The following CCDC85A variants were observed in gnomAD, a reference collection of about 807,000 sequenced individuals.
The protein encoded by CCDC85A is coiled-coil domain containing 85A.
CCDC85A carries 38 observed loss-of-function variants against 50.2 expected under a neutral mutation model. That is an observed-to-expected ratio of 0.76 (90% CI 0.58 to 0.99). CCDC85A has a LOEUF of 0.99. Among genes scored for constraint, CCDC85A ranks in the 50% least tolerant of loss-of-function variants. The pLI, the probability that CCDC85A is intolerant of heterozygous loss-of-function variation, is 0.00. For missense variants in CCDC85A, 820 were observed against 742.0 expected, an observed-to-expected ratio of 1.11 and a Z score of -1.22; for synonymous variants, 366 against 301.4, an observed-to-expected ratio of 1.21 and a Z score of -2.22.
chr2:56,313,501 T>C (rs1010058879), intron 2 of CCDC85A, among the ~76,000 whole-genome samples: 4 of 152,268 alleles, frequency 2.6e-5, no homozygotes, highest in South Asian at 2.1e-4. Flanking sequence ...CCAGTCAAGC[T>C]TGGGGCTTCC....
chr2:56,364,830 G>T (rs922285579), intron 3 of CCDC85A, among the ~76,000 whole-genome samples: 1 of 151,862 alleles, frequency 6.6e-6, no homozygotes, highest in Admixed American at 6.6e-5. Context: ...CTATTTTCCA[G>T]TGTAGGCAAT....
At chr2:56,226,986 A>G (rs1250217272) in intron 2 of CCDC85A, among the ~76,000 whole-genome samples, 1 of 152,180 alleles carries the variant, frequency 6.6e-6, no homozygotes, top group Non-Finnish European at 1.5e-5. Context: ...TTATTCTGAG[A>G]AAGGGGTAAA....
intron 2 of CCDC85A, among the ~76,000 whole-genome samples, chr2:56,246,254 A>G (rs1253748683): frequency 6.6e-6 from 1 of 152,208 alleles, no homozygotes; most frequent in East Asian, 1.9e-4. Context: ...TTTGAGTTAT[A>G]GAAGTTCTTA....
intron 2 of CCDC85A, among the ~76,000 whole-genome samples, chr2:56,320,565 A>T (rs1449900886): frequency 6.6e-6 from 1 of 152,182 alleles, no homozygotes; most frequent in East Asian, 1.9e-4. Flanking sequence ...TCCTGGAAAC[A>T]TACACCCTCC....
chr2:56,349,225 A>G (rs1404791536), intron 3 of CCDC85A, among the ~76,000 whole-genome samples: 4 of 152,180 alleles, frequency 2.6e-5, no homozygotes, highest in Admixed American at 6.6e-5. Flanking sequence ...ATACTTGGGA[A>G]AAAATGGACT....
chr2:56,365,745 C>T (rs577061875), intron 3 of CCDC85A, among the ~76,000 whole-genome samples: 38 of 152,262 alleles, frequency 2.5e-4, no homozygotes, highest in Middle Eastern at 6.8e-3. Flanking sequence ...CATCAGTTCG[C>T]ATAGTTATCA....
At chr2:56,246,600 T>A (rs904949017) in intron 2 of CCDC85A, among the ~76,000 whole-genome samples, 3 of 152,220 alleles carry the variant, frequency 2.0e-5, no homozygotes, top group Middle Eastern at 3.2e-3. Context: ...ATCCAGTTGT[T>A]CTGGCACCAT....
chr2:56,228,003 G>A (rs1427804777), intron 2 of CCDC85A, among the ~76,000 whole-genome samples: 1 of 152,202 alleles, frequency 6.6e-6, no homozygotes, highest in Non-Finnish European at 1.5e-5. Flanking sequence ...CACAATCGCA[G>A]AAATGACTGA....
intron 2 of CCDC85A, among the ~76,000 whole-genome samples, chr2:56,291,640 C>T (rs2104147240): frequency 6.6e-6 from 1 of 152,182 alleles, no homozygotes; most frequent in East Asian, 1.9e-4. Context: ...GGTGGGCTAT[C>T]AGAGCCTGAT....
chr2:56,245,858 C>A (rs963002788), intron 2 of CCDC85A, among the ~76,000 whole-genome samples: 1 of 152,170 alleles, frequency 6.6e-6, no homozygotes, highest in African/African-American at 2.4e-5. Flanking sequence ...AGGCCTTCAC[C>A]AGACCAAATG....
At chr2:56,362,537 A>G (rs138628481) in intron 3 of CCDC85A, among the ~76,000 whole-genome samples, 1 of 152,076 alleles carries the variant, frequency 6.6e-6, no homozygotes, top group East Asian at 1.9e-4. Flanking sequence ...AGATTTAAAG[A>G]TGGAGAAGGA....
intron 2 of CCDC85A, among the ~76,000 whole-genome samples, chr2:56,319,800 C>A (rs902848119): frequency 6.6e-6 from 1 of 152,054 alleles, no homozygotes; most frequent in Non-Finnish European, 1.5e-5. Context: ...TCATTGGGCA[C>A]CACACACAAA....
chr2:56,240,379 G>T (rs1239966365), intron 2 of CCDC85A, among the ~76,000 whole-genome samples: 1 of 152,138 alleles, frequency 6.6e-6, no homozygotes, highest in Non-Finnish European at 1.5e-5. Context: ...AGAAAATTCT[G>T]TAACCAGCAC....
At chr2:56,313,179 A>C (rs1672772563) in intron 2 of CCDC85A, among the ~76,000 whole-genome samples, 1 of 152,058 alleles carries the variant, frequency 6.6e-6, no homozygotes, top group East Asian at 1.9e-4. Flanking sequence ...GCGACTAGTC[A>C]TGTTCTTTTT....
Position 56,184,708 on chromosome 2 carries a change from C to A in CCDC85A, c.84C>A (p.Ala28=), listed in dbSNP as rs1675921303. The A allele has an allele frequency of 1.3e-6, 2 of 1,528,680 alleles. No homozygotes were observed. Among genetic ancestry groups the A allele is most frequent in the Non-Finnish European group, 1.8e-6 (2 of 1,141,384 alleles). 94.7% of individuals were successfully genotyped at this position (1,528,680 alleles called of 1,614,324 possible). A position where few individuals can be genotyped will look rare whatever the true frequency, so the allele number is the denominator to read the frequency against. ...CSPAPAGSSA[A]PPAPVEDLSK... ...CAGCCCCGGCCGGCTCGTCCGCGGC[C>A]CCGCCCGCGCCGGTGGAGGACCTGT... The change falls in exon 1 of 6, where the codon GCC becomes GCA. Residue 28 remains alanine, a synonymous_variant. Transcript: ENST00000407595.
chr2:56,353,926 C>T (rs552514523), intron 3 of CCDC85A, among the ~76,000 whole-genome samples: 1 of 152,276 alleles, frequency 6.6e-6, no homozygotes, highest in South Asian at 2.1e-4. Flanking sequence ...GACTGTGTTT[C>T]CTCAGGCCAC....
intron 2 of CCDC85A, among the ~76,000 whole-genome samples, chr2:56,288,283 A>T (rs1202848965): frequency 6.7e-6 from 1 of 149,510 alleles, no homozygotes; most frequent in East Asian, 2.0e-4. Context: ...TCCTTACTTA[A>T]AATTTCCTTT....
At chr2:56,250,402 TA>T (rs1669701316) in intron 2 of CCDC85A, among the ~76,000 whole-genome samples, 1 of 152,174 alleles carries the variant, frequency 6.6e-6, no homozygotes, top group South Asian at 2.1e-4. Flanking sequence ...GAAAACAAAG[TA>T]AACTGTCTGC....
intron 2 of CCDC85A, among the ~76,000 whole-genome samples, chr2:56,297,131 C>T (rs997665446): frequency 2.0e-5 from 3 of 151,980 alleles, no homozygotes; most frequent in East Asian, 1.9e-4. Flanking sequence ...AATACTTATT[C>T]GTTGAGAGGT....
Sources: gnomAD v4.1 joint callset for allele counts (sites outside exome capture counted in the v4.1 genomes callset) on GRCh38, gnomAD v4.1.1 for gene constraint, MANE v1.5 for transcripts, NCBI Gene and HGNC (gene_info 2026-07-23, HGNC 2026-07-21) for gene names.